Variants in ZSCAN26 observed in about 807,000 individuals in gnomAD.
ZSCAN26 encodes zinc finger and SCAN domain-containing protein 26.
Under a neutral mutation model 23.0 loss-of-function variants are expected in ZSCAN26, and 26 were observed. That is an observed-to-expected ratio of 1.13 (90% CI 0.83 to 1.57). The LOEUF is 1.57. ZSCAN26 is among the 40% of genes most tolerant of loss of function. The pLI is 0.00. For missense variants in ZSCAN26, 528 were observed against 568.5 expected (o/e 0.93, Z 0.72); for synonymous variants, 180 against 202.5 (o/e 0.89, Z 0.94).
In ZSCAN26 at chr6:28,276,979, T is replaced by G. The variant is rs537254525; in HGVS notation, c.1323T>G (p.His441Gln). The change falls in exon 4 of 4, where the codon CAT becomes CAG. Residue 441 changes from histidine (H) to glutamine (Q), a missense_variant. Coordinates refer to ENST00000421553, the MANE Select transcript of ZSCAN26 (RefSeq NM_001023560.4). Reference protein sequence around the residue: ...AFRLNSHLAQHVRIHNEEKPY... With the variant: ...AFRLNSHLAQQVRIHNEEKPY... ...GACTAAACTCACACCTTGCTCAGCA[T>G]GTAAGAATCCACAATGAAGAAAAAC... 6.4e-5 allele frequency: 103 copies of G among 1,613,888 alleles called. No homozygotes were observed. The highest frequency in any genetic ancestry group is 8.1e-5 in the Non-Finnish European group (95 of 1,179,888).
Position 28,276,891 on chromosome 6 carries a change from G to A in ZSCAN26, c.1235G>A (p.Arg412Gln), listed in dbSNP as rs1297950437. 11 of 1,613,724 alleles carry A rather than the reference G, an allele frequency of 6.8e-6. No individual in the cohort carries two copies. Among genetic ancestry groups the A allele is most frequent in the East Asian group, 2.2e-5 (1 of 44,886 alleles). The stretch of plus-strand genomic sequence containing the variant: ...TTCAGTTTGACCTCAGACCTTATTC[G>A]ACACCACAGAATTCATACTGGAGAA... ...KAFSLTSDLI[R>Q]HHRIHTGEKP... The change falls in exon 4 of 4, where the codon CGA becomes CAA. Residue 412 changes from arginine (R) to glutamine (Q), a missense_variant. By Grantham distance (43) the Arg-to-Gln change is conservative. Transcript: ENST00000421553.
At chr6:28,273,711 A>G (rs1412199574) in intron 3 of ZSCAN26, among the ~76,000 whole-genome samples, 1 of 131,562 alleles carries the variant, frequency 7.6e-6, no homozygotes, top group Non-Finnish European at 1.6e-5. Flanking sequence ...TTGGTTCTAT[A>G]CTTTCTTTTT....
intron 1 of ZSCAN26, among the ~76,000 whole-genome samples, chr6:28,269,071 C>A (rs1302927795): frequency 6.6e-6 from 1 of 151,590 alleles, no homozygotes; most frequent in Non-Finnish European, 1.5e-5. Context: ...CAAGATTGCG[C>A]TGCTGTACTC....
intron 3 of ZSCAN26, among the ~76,000 whole-genome samples, chr6:28,275,823 C>T (rs1237528680): frequency 1.3e-5 from 2 of 152,138 alleles, no homozygotes; most frequent in African/African-American, 2.4e-5. Flanking sequence ...CTTATGGGCC[C>T]TGGGGGCCTC....
chr6:28,270,328 TCTC>T (rs1761629593), intron 1 of ZSCAN26, among the ~76,000 whole-genome samples: 1 of 152,208 alleles, frequency 6.6e-6, no homozygotes, highest in Admixed American at 6.5e-5. Flanking sequence ...AAGTGAGCCT[TCTC>T]CCGTTCTCCC....
chr6:28,277,378 T>C lies in ZSCAN26; in HGVS notation c.*282T>C, dbSNP rs1026192003. 5 of 363,532 alleles carry C rather than the reference T, an allele frequency of 1.4e-5. No homozygotes were observed. Among genetic ancestry groups the C allele is most frequent in the African/African-American group, 8.2e-5 (4 of 48,542 alleles). The allele number at this position is 363,532 out of a possible 1,614,324, so 22.5% of individuals were successfully genotyped here. A position where few individuals can be genotyped will look rare whatever the true frequency, so the allele number is the denominator to read the frequency against. On this transcript the variant is annotated 3_prime_UTR_variant, in exon 4 of 4. Coordinates refer to ENST00000421553, the MANE Select transcript of ZSCAN26 (RefSeq NM_001023560.4). Reference sequence around the variant, plus strand: ...CTGCATGATTATATACTCTAAGCAATAGAGAGCTTCATGACTGAGTAAGAG... The same window carrying C: ...CTGCATGATTATATACTCTAAGCAACAGAGAGCTTCATGACTGAGTAAGAG...
At chr6:28,273,767 G>C (rs923981391) in intron 3 of ZSCAN26, among the ~76,000 whole-genome samples, 1 of 151,186 alleles carries the variant, frequency 6.6e-6, no homozygotes, top group African/African-American at 2.4e-5. Context: ...CTTCAGGCTG[G>C]AGTACAATGG....
intron 3 of ZSCAN26, among the ~76,000 whole-genome samples, 159 bp downstream of exon 3, chr6:28,272,946 T>G (rs1169978461): frequency 6.6e-6 from 1 of 152,196 alleles, no homozygotes; most frequent in Non-Finnish European, 1.5e-5. Context: ...TCTTTTTAGA[T>G]GTACAGGTCA....
At chr6:28,270,501 A>G (rs1761636541) in intron 1 of ZSCAN26, among the ~76,000 whole-genome samples, 2 of 152,202 alleles carry the variant, frequency 1.3e-5, no homozygotes, top group African/African-American at 4.8e-5. Flanking sequence ...GTCTGAGTTC[A>G]TTTTTGACAT....
At chr6:28,274,985 T>A (rs547413247) in intron 3 of ZSCAN26, among the ~76,000 whole-genome samples, 2 of 152,338 alleles carry the variant, frequency 1.3e-5, no homozygotes, top group Admixed American at 1.3e-4. Context: ...AGAGGGTCTT[T>A]GTACACAGTA....
In ZSCAN26 at chr6:28,277,630, C is replaced by G. The variant is rs1327857757; in HGVS notation, c.*534C>G. 6.6e-6 allele frequency: 1 copy of G among 152,268 alleles called. No homozygotes were observed. The highest frequency in any genetic ancestry group is 1.5e-5 in the Non-Finnish European group (1 of 68,072). 9.4% of individuals were successfully genotyped at this position (152,268 alleles called of 1,614,324 possible). A position where few individuals can be genotyped will look rare whatever the true frequency, so the allele number is the denominator to read the frequency against. ...CTCCCACTGGCCTTACCCCTTCCTT[C>G]CCCAGTGGAAGCATTTTCAAAAGCA... On this transcript the variant is annotated 3_prime_UTR_variant, in exon 4 of 4. Coordinates refer to ENST00000421553, the MANE Select transcript of ZSCAN26 (RefSeq NM_001023560.4).
intron 1 of ZSCAN26, among the ~76,000 whole-genome samples, chr6:28,268,498 C>T (rs769432303): frequency 6.6e-6 from 1 of 152,130 alleles, no homozygotes; most frequent in Non-Finnish European, 1.5e-5. Context: ...TATTTCATAT[C>T]CTCCTTAGAA....
intron 1 of ZSCAN26, among the ~76,000 whole-genome samples, chr6:28,269,069 C>A (rs769727084): frequency 6.6e-6 from 1 of 151,362 alleles, no homozygotes; most frequent in Non-Finnish European, 1.5e-5. Context: ...GCCAAGATTG[C>A]GCTGCTGTAC....
At chr6:28,269,002 A>G (rs1325387032) in intron 1 of ZSCAN26, among the ~76,000 whole-genome samples, 1 of 151,980 alleles carries the variant, frequency 6.6e-6, no homozygotes, top group Admixed American at 6.6e-5. Flanking sequence ...AATCCCAGCT[A>G]TTCGGGAGGC....
At chr6:28,274,460 A>G (rs1761856253) in intron 3 of ZSCAN26, among the ~76,000 whole-genome samples, 5 of 152,248 alleles carry the variant, frequency 3.3e-5, no homozygotes, top group Admixed American at 2.0e-4. Context: ...TAGTTTAAAT[A>G]CAAAAAGTAA....
chr6:28,270,592 G>C (rs1761640855), intron 1 of ZSCAN26, among the ~76,000 whole-genome samples: 1 of 152,190 alleles, frequency 6.6e-6, no homozygotes, highest in South Asian at 2.1e-4. Context: ...TGAGATATCT[G>C]ACCTGAAGAA....
At position 28,276,939 on chromosome 6, in the gene ZSCAN26, G is replaced by A. The variant is rs888320862; in HGVS notation, c.1283G>A (p.Cys428Tyr). ...TGEKPFKCNI[C>Y]QKAFRLNSHL... ...GAAAAACCTTTCAAGTGTAACATAT[G>A]CCAGAAAGCCTTCCGACTAAACTCA... is the stretch of plus-strand genomic sequence containing the variant. Residue 428 changes from cysteine (C) to tyrosine (Y), a missense_variant, in exon 4 of 4, where the codon TGC (cysteine) becomes TAC (tyrosine). By Grantham distance (194) the Cys-to-Tyr change is radical (BLOSUM62 -2). Coordinates refer to ENST00000421553, the MANE Select transcript of ZSCAN26 (RefSeq NM_001023560.4). 3.7e-6 allele frequency: 6 copies of A among 1,613,884 alleles called. No homozygotes were observed. In the African/African-American group the frequency reaches 6.7e-5, roughly 18 times the overall value.
rs192495672 is a variant in ZSCAN26 at position 28,274,117 on chromosome 6, A to G, written c.538+1330A>G. On this transcript the variant is annotated intron_variant, in intron 3 of 3. Coordinates refer to ENST00000421553, the MANE Select transcript of ZSCAN26 (RefSeq NM_001023560.4). ...TTTTTTCTGTCATAGAACTAATTAC[A>G]TTATATTGCAGTTTCTAGTTTGCTT... Among the ~76,000 whole-genome samples the G allele has an allele frequency of 7.9e-4, 120 of 151,274 alleles. 1 individual carries two copies. The highest frequency in any genetic ancestry group is 7.6e-3 in the Admixed American group (115 of 15,180).
In ZSCAN26 at chr6:28,276,938, T is replaced by C. The variant is rs1481470583; in HGVS notation, c.1282T>C (p.Cys428Arg). 3 of 1,614,030 alleles carry C rather than the reference T, an allele frequency of 1.9e-6. No individual in the cohort carries two copies. The highest frequency in any genetic ancestry group is 1.3e-5 in the African/African-American group (1 of 75,070). Reference sequence around the variant, plus strand: ...AGAAAAACCTTTCAAGTGTAACATATGCCAGAAAGCCTTCCGACTAAACTC... The same window carrying C: ...AGAAAAACCTTTCAAGTGTAACATACGCCAGAAAGCCTTCCGACTAAACTC... ...TGEKPFKCNI[C>R]QKAFRLNSHL... Residue 428 changes from cysteine (C) to arginine (R), a missense_variant, in exon 4 of 4, where the codon TGC becomes CGC. Physicochemically the swap from Cys to Arg is radical, Grantham distance 180. Transcript: ENST00000421553.
Sources: gnomAD v4.1 joint callset for allele counts (sites outside exome capture counted in the v4.1 genomes callset) on GRCh38, gnomAD v4.1.1 for gene constraint, MANE v1.5 for transcripts, NCBI Gene and HGNC (gene_info 2026-07-23, HGNC 2026-07-21) for gene names.